The following TASP1 variants were observed in gnomAD, a reference collection of about 807,000 sequenced individuals.
TASP1 encodes threonine aspartase 1.
A neutral mutation model predicts 56.6 loss-of-function variants in TASP1; 16 were observed. The ratio of observed to expected loss-of-function variants is 0.28; its 90% CI spans 0.19 to 0.43. The LOEUF is 0.43. TASP1 is among the 20% of genes least tolerant of loss of function. The pLI, the probability that TASP1 is intolerant of heterozygous loss-of-function variation, is 1.00. For missense variants in TASP1, 393 were observed against 511.6 expected, an observed-to-expected ratio of 0.77 and a Z score of 2.24; for synonymous variants, 179 against 184.2, an observed-to-expected ratio of 0.97 and a Z score of 0.23.
intron 4 of TASP1, among the ~76,000 whole-genome samples, chr20:13,591,026 C>CA (rs1214067984): frequency 1.4e-5 from 2 of 143,974 alleles, no homozygotes; most frequent in Non-Finnish European, 3.0e-5. Flanking sequence ...AAATAAATGA[C>CA]AAAGTGAAAA....
rs183100776 is a variant in TASP1, at chr20:13,440,924, C to A, written c.986-5770G>T. On this transcript the variant is annotated intron_variant, in intron 11 of 13. Transcript: ENST00000337743. The stretch of plus-strand genomic sequence containing the variant: ...AGGTAACACAAAAATCTCTGAATAA[C>A]CTCAAAATGCAACTGTGTGCTGGAA... Among the ~76,000 whole-genome samples the A allele has an allele frequency of 4.0e-4, 61 of 152,212 alleles. 1 individual carries two copies. The highest frequency in any genetic ancestry group is 3.8e-3 in the Admixed American group (58 of 15,288).
the TASP1 span, among the ~76,000 whole-genome samples, chr20:13,326,715 A>G: frequency 2.0e-5 from 3 of 152,200 alleles, no homozygotes; most frequent in Admixed American, 1.3e-4. Flanking sequence ...TTGTTTACAC[A>G]TGATTATCTC....
At chr20:13,312,248 C>T in the TASP1 span, among the ~76,000 whole-genome samples, 1 of 152,140 alleles carries the variant, frequency 6.6e-6, no homozygotes, top group Non-Finnish European at 1.5e-5. Flanking sequence ...AGATGGGATC[C>T]TACAAAGCCA....
chr20:13,230,209 T>G, the TASP1 span, among the ~76,000 whole-genome samples: 1 of 152,228 alleles, frequency 6.6e-6, no homozygotes, highest in Admixed American at 6.5e-5. Flanking sequence ...AAGTGTTTTT[T>G]AACAACTCTT....
chr20:13,273,279 T>C, the TASP1 span, among the ~76,000 whole-genome samples: 2 of 149,138 alleles, frequency 1.3e-5, no homozygotes, highest in Admixed American at 1.3e-4. Context: ...TTGTCACCTA[T>C]GCTACGGTAC....
chr20:13,113,443 A>G, the TASP1 span, among the ~76,000 whole-genome samples: 2 of 152,148 alleles, frequency 1.3e-5, no homozygotes, highest in African/African-American at 2.4e-5. Flanking sequence ...TAACCCCCAA[A>G]GAGAGCAGTC....
At chr20:13,476,562 T>C (rs1305431272) in intron 11 of TASP1, among the ~76,000 whole-genome samples, 2 of 152,168 alleles carry the variant, frequency 1.3e-5, no homozygotes, top group Non-Finnish European at 2.9e-5. Flanking sequence ...TGTGCATTTG[T>C]TTTTTTCTTT....
At chr20:13,457,117 G>C (rs2043871187) in intron 11 of TASP1, among the ~76,000 whole-genome samples, 1 of 151,854 alleles carries the variant, frequency 6.6e-6, no homozygotes, top group African/African-American at 2.4e-5. Flanking sequence ...ACTGGGGCCT[G>C]TTGGGGGATG....
In TASP1 at chr20:13,613,973, T is replaced by C. The variant is rs142390533; in HGVS notation, c.282+9473A>G. 4.7e-4 allele frequency among the ~76,000 whole-genome samples: 71 copies of C among 152,146 alleles called. No individual in the cohort carries two copies. The East Asian group carries it at 0.013, about 27-fold the overall frequency. ...TGTAAACTGCTCCTAAACAACAAGG[T>C]ATTCTTTCTTTTTTGGCATTCTCTT... On this transcript the variant is annotated intron_variant, in intron 4 of 13. Coordinates refer to ENST00000337743, the MANE Select transcript of TASP1 (RefSeq NM_017714.3).
intron 13 of TASP1, among the ~76,000 whole-genome samples, chr20:13,396,634 G>T (rs1225226683): frequency 6.6e-6 from 1 of 152,076 alleles, no homozygotes; most frequent in Non-Finnish European, 1.5e-5. Context: ...TTTTCTCATT[G>T]TCTTAAATTA....
At chr20:13,497,369 A>G (rs2043771654) in intron 10 of TASP1, among the ~76,000 whole-genome samples, 1 of 152,238 alleles carries the variant, frequency 6.6e-6, no homozygotes. Flanking sequence ...AGTGCACTGC[A>G]ACTGTCCACC....
the TASP1 span, among the ~76,000 whole-genome samples, chr20:13,115,149 A>G: frequency 6.6e-6 from 1 of 152,220 alleles, no homozygotes; most frequent in Non-Finnish European, 1.5e-5. Flanking sequence ...GTTTTTTGAC[A>G]GCAATTCATG....
At chr20:13,253,888 TATGTTTATACACACACATAAAA>T in the TASP1 span, among the ~76,000 whole-genome samples, 1 of 151,878 alleles carries the variant, frequency 6.6e-6, no homozygotes, top group African/African-American at 2.4e-5. Context: ...TGTGTGTGTG[TATGTTTATACACACACATAAAA>T]ACACACTTAT....
the TASP1 span, among the ~76,000 whole-genome samples, chr20:13,200,342 G>A: frequency 1.2e-4 from 19 of 152,218 alleles, 1 homozygote; most frequent in Admixed American, 1.2e-3. Context: ...TTGCAATTAT[G>A]CTAGAGCAGA....
chr20:13,358,937 C>T, the TASP1 span, among the ~76,000 whole-genome samples: 1 of 150,468 alleles, frequency 6.6e-6, no homozygotes, highest in African/African-American at 2.5e-5. Context: ...GCAAGTACCC[C>T]TCAACCCCTT....
At chr20:13,139,175 T>C in the TASP1 span, among the ~76,000 whole-genome samples, 2 of 152,180 alleles carry the variant, frequency 1.3e-5, no homozygotes, top group African/African-American at 4.8e-5. Flanking sequence ...TTTTGTGACA[T>C]TACTTGGTGA....
chr20:13,462,848 T>C (rs1206871159), intron 11 of TASP1, among the ~76,000 whole-genome samples: 10 of 152,082 alleles, frequency 6.6e-5, no homozygotes, highest in Non-Finnish European at 1.2e-4. Flanking sequence ...CACTGAAAAC[T>C]ATAAAATATT....
In TASP1 at chr20:13,427,972, C is replaced by T. The variant is rs115871697; in HGVS notation, c.1096+7072G>A. ...AGGTAACAATTACATGTGTGCTCAT[C>T]GCATAATCAGGCTCTGGATGAACTG... On this transcript the variant is annotated intron_variant, in intron 12 of 13. Transcript: ENST00000337743. Among the ~76,000 whole-genome samples the T allele has an allele frequency of 5.1e-3, 782 of 152,186 alleles. 4 individuals are homozygous for T. The highest frequency in any genetic ancestry group is 0.015 in the African/African-American group (618 of 41,520).
At chr20:13,323,256 G>A in the TASP1 span, among the ~76,000 whole-genome samples, 3 of 152,294 alleles carry the variant, frequency 2.0e-5, no homozygotes, top group South Asian at 6.2e-4. Context: ...GAAATGTGTT[G>A]AAGAAAAGAC....
Sources: allele counts gnomAD v4.1 joint callset (sites outside exome capture counted in the v4.1 genomes callset), GRCh38; gene constraint gnomAD v4.1.1; transcripts MANE v1.5; gene names NCBI Gene and HGNC (gene_info 2026-07-23, HGNC 2026-07-21).